The following ARHGAP6 variants were observed in gnomAD, a reference collection of about 807,000 sequenced individuals.
ARHGAP6 encodes Rho GTPase activating protein 6, also known as rho GTPase-activating protein 6.
ARHGAP6 carries 16 observed loss-of-function variants against 55.7 expected under a neutral mutation model. The ratio of observed to expected loss-of-function variants is 0.29; its 90% CI spans 0.19 to 0.44. The LOEUF is 0.44. Ranked by LOEUF, ARHGAP6 falls within the 20% of genes least tolerant of loss-of-function variation. The pLI, the probability that ARHGAP6 is intolerant of heterozygous loss-of-function variation, is 1.00. For synonymous variants in ARHGAP6, 382 were observed against 360.9 expected, an observed-to-expected ratio of 1.06 and a Z score of -0.66; for missense variants, 698 against 808.9, an observed-to-expected ratio of 0.86 and a Z score of 1.66.
Position 11,600,097 on chromosome X carries a change from T to A in ARHGAP6, c.588+64144A>T, listed in dbSNP as rs1388904546. 2.7e-5 allele frequency among the ~76,000 whole-genome samples: 3 copies of A among 111,624 alleles called. No homozygotes were observed. In the East Asian group the frequency reaches 8.4e-4, roughly 31 times the overall value. ...CTCTCATAGGTGGGTGGCTCTGCAG[T>A]GATAGCCAAGATACCATGCACTACT... On this transcript the variant is annotated intron_variant, in intron 1 of 12. Transcript: ENST00000337414.
intron 1 of ARHGAP6, among the ~76,000 whole-genome samples, chrX:11,614,314 G>C (rs770867715): frequency 8.9e-6 from 1 of 112,008 alleles, no homozygotes; most frequent in South Asian, 3.8e-4. Context: ...GTAATTTACA[G>C]AGAAAAGAGG....
At chrX:11,270,753 C>T (rs2147514441) in intron 1 of ARHGAP6, among the ~76,000 whole-genome samples, 1 of 111,797 alleles carries the variant, frequency 8.9e-6, no homozygotes, top group South Asian at 3.8e-4. Context: ...CGAGTCTAGG[C>T]AGCAATAAAA....
chrX:11,350,188 C>T (rs2048843808), intron 1 of ARHGAP6, among the ~76,000 whole-genome samples: 1 of 111,608 alleles, frequency 9.0e-6, no homozygotes, highest in Admixed American at 9.5e-5. Context: ...AATGGACCTG[C>T]CACTCCAAAA....
At chrX:11,291,869 T>C (rs2047999720) in intron 1 of ARHGAP6, among the ~76,000 whole-genome samples, 1 of 112,226 alleles carries the variant, frequency 8.9e-6, no homozygotes. Flanking sequence ...TCTCTCTCCC[T>C]GATTGGAAGG....
intron 1 of ARHGAP6, among the ~76,000 whole-genome samples, chrX:11,273,502 G>T (rs1005818204): frequency 1.8e-5 from 2 of 109,970 alleles, no homozygotes; most frequent in Non-Finnish European, 3.8e-5. Context: ...GTACATAATC[G>T]CTTTGTTGAC....
intron 9 of ARHGAP6, among the ~76,000 whole-genome samples, chrX:11,167,057 A>G (rs10442460): frequency 0.18 from 19,699 of 111,396 alleles, 1,317 homozygotes; most frequent in Middle Eastern, 0.25. Flanking sequence ...CATACGTATA[A>G]GGAGTAAGGC....
chrX:11,336,978 C>G (rs1241441886), intron 1 of ARHGAP6, among the ~76,000 whole-genome samples: 1 of 110,779 alleles, frequency 9.0e-6, no homozygotes, highest in Non-Finnish European at 1.9e-5. Context: ...TTACTTCACC[C>G]CTCACAGTCA....
intron 1 of ARHGAP6, among the ~76,000 whole-genome samples, chrX:11,358,810 G>A (rs1391985548): frequency 9.0e-6 from 1 of 111,358 alleles, no homozygotes; most frequent in African/African-American, 3.3e-5. Context: ...TTTTCCTCAG[G>A]TAGCTATGAG....
rs575139420 is a variant in ARHGAP6 at position 11,316,998 on chromosome X, G to A, written c.589-62291C>T. On this transcript the variant is annotated intron_variant, in intron 1 of 12. Transcript: ENST00000337414. ...GGTATTTATTGTTCTGGTTGACAGT[G>A]TATAGCATGGACATGCCACATGCAT... 1.0e-3 allele frequency among the ~76,000 whole-genome samples: 113 copies of A among 112,473 alleles called. No homozygotes were observed. The South Asian group carries it at 0.015, about 15-fold the overall frequency.
At chrX:11,168,569 A>G (rs1447106957) in intron 9 of ARHGAP6, among the ~76,000 whole-genome samples, 2 of 112,153 alleles carry the variant, frequency 1.8e-5, no homozygotes, top group African/African-American at 6.5e-5. Context: ...AAAGCACTTG[A>G]TAAGTGTAGA....
intron 1 of ARHGAP6, chrX:11,298,460 A>G (rs779831463): frequency 1.7e-6 from 2 of 1,168,404 alleles, no homozygotes; most frequent in African/African-American, 1.8e-5. Flanking sequence ...AAATATTCCT[A>G]TAGCCATAAT....
chrX:11,378,269 T>A (rs1158796955), intron 1 of ARHGAP6, among the ~76,000 whole-genome samples: 1 of 112,538 alleles, frequency 8.9e-6, no homozygotes, highest in African/African-American at 3.2e-5. Flanking sequence ...ATTTCAAGCA[T>A]GCAATTCAAT....
At chrX:11,410,365 A>G (rs2049665326) in intron 1 of ARHGAP6, among the ~76,000 whole-genome samples, 1 of 112,632 alleles carries the variant, frequency 8.9e-6, no homozygotes, top group South Asian at 3.7e-4. Context: ...GAAAGGAGAC[A>G]GTCACAAAGG....
chrX:11,354,327 C>CTCTATATATATATATATA (rs1343744315), intron 1 of ARHGAP6, among the ~76,000 whole-genome samples: 2 of 32,350 alleles, frequency 6.2e-5, no homozygotes, highest in African/African-American at 1.3e-4. Context: ...CTCTCTCTCT[C>CTCTATATATATATATATA]TATATATATA....
At chrX:11,398,669 T>C (rs765917821) in intron 1 of ARHGAP6, among the ~76,000 whole-genome samples, 1 of 112,074 alleles carries the variant, frequency 8.9e-6, no homozygotes, top group South Asian at 3.7e-4. Flanking sequence ...ATTATTATAG[T>C]CATAATTATA....
intron 1 of ARHGAP6, among the ~76,000 whole-genome samples, chrX:11,325,848 A>G (rs2048490508): frequency 8.9e-6 from 1 of 111,960 alleles, no homozygotes; most frequent in South Asian, 3.7e-4. Context: ...TGGTTGTCTC[A>G]ACTGAGGGGA....
Position 11,577,552 on chromosome X carries a change from G to A in ARHGAP6, c.588+86689C>T, listed in dbSNP as rs144024526. 1.4e-3 allele frequency among the ~76,000 whole-genome samples: 153 copies of A among 112,098 alleles called. 1 individual carries two copies. In the South Asian group the frequency reaches 0.017, roughly 12 times the overall value. The stretch of plus-strand genomic sequence containing the variant: ...CCAGAAAGAAACTACTAGAAAGAGA[G>A]TTGCAGGTGTTTTTACCAGGTACTT... On this transcript the variant is annotated intron_variant, in intron 1 of 12. Transcript: ENST00000337414.
intron 1 of ARHGAP6, among the ~76,000 whole-genome samples, chrX:11,527,011 AGT>A (rs59668043): frequency 0.11 from 8,852 of 80,809 alleles, 484 homozygotes; most frequent in African/African-American, 0.19. Flanking sequence ...TAATATGAGG[AGT>A]GTGTGTGTGT....
At chrX:11,368,883 T>C (rs933309826) in intron 1 of ARHGAP6, among the ~76,000 whole-genome samples, 3 of 112,100 alleles carry the variant, frequency 2.7e-5, no homozygotes, top group African/African-American at 9.7e-5. Context: ...CCTGTCTCTC[T>C]GGTTTCATGT....
Sources: allele counts gnomAD v4.1 joint callset (sites outside exome capture counted in the v4.1 genomes callset), GRCh38; gene constraint gnomAD v4.1.1; transcripts MANE v1.5; gene names NCBI Gene and HGNC (gene_info 2026-07-23, HGNC 2026-07-21).